Variants in GLDC observed in about 807,000 individuals in gnomAD.
The protein encoded by GLDC is glycine decarboxylase.
Under a neutral mutation model 121.3 loss-of-function variants are expected in GLDC, and 104 were observed. The observed-to-expected ratio is 0.86, with a 90% CI of 0.73 to 1.01. The LOEUF (loss-of-function observed/expected upper bound fraction) is 1.01. Ranked by LOEUF, GLDC falls within the 50% of genes least tolerant of loss-of-function variation. GLDC has a pLI of 0.00. For missense variants in GLDC, 1,429 were observed against 1,306.6 expected (o/e 1.09, Z -1.44); for synonymous variants, 546 against 480.6 (o/e 1.14, Z -1.78).
intron 15 of GLDC, among the ~76,000 whole-genome samples, chr9:6,572,712 G>A (rs760626330): frequency 2.0e-5 from 3 of 152,170 alleles, no homozygotes; most frequent in Non-Finnish European, 4.4e-5. Context: ...CTTCTCTGCT[G>A]CCAGCCTTTC....
rs1817178980 is a variant in GLDC, at chr9:6,538,278, AGTCCAAGGTAGG to A, written c.2665+1761_2665+1772del. On this transcript the variant is annotated intron_variant, in intron 22 of 24. Transcript: ENST00000321612. ...CCTGCATCTGGGCCCTGATTCAGGAAGTCCAAGGTAGGGTCCAAAAATCTATGAGTCATAAAA... is the reference window on the plus strand; with the variant it reads ...CCTGCATCTGGGCCCTGATTCAGGAAGTCCAAAAATCTATGAGTCATAAAA... Among the ~76,000 whole-genome samples, 15 of 152,304 alleles carry A rather than the reference AGTCCAAGGTAGG, an allele frequency of 9.8e-5. No homozygotes were observed. In the South Asian group the frequency reaches 3.1e-3, roughly 32 times the overall value.
intron 21 of GLDC, among the ~76,000 whole-genome samples, chr9:6,545,055 C>T (rs1361295022): frequency 2.0e-5 from 3 of 151,474 alleles, no homozygotes; most frequent in East Asian, 1.9e-4. Flanking sequence ...GCTGAGATTG[C>T]GCCATTGCAA....
At chr9:6,637,582 T>C (rs1264508955) in intron 2 of GLDC, among the ~76,000 whole-genome samples, 1 of 152,020 alleles carries the variant, frequency 6.6e-6, no homozygotes, top group Non-Finnish European at 1.5e-5. Flanking sequence ...TTCTCCTGCC[T>C]CAGACTCCTG....
chr9:6,593,236 T>C (rs1247455200), intron 9 of GLDC: 2 of 422,352 alleles, frequency 4.7e-6, no homozygotes, highest in East Asian at 4.7e-5. Context: ...TGGTGTATTA[T>C]TTCTCAAGAA....
intron 14 of GLDC, among the ~76,000 whole-genome samples, 180 bp from the exon 15 acceptor site, chr9:6,587,463 T>C (rs892286768): frequency 3.3e-5 from 5 of 152,206 alleles, no homozygotes; most frequent in Admixed American, 2.6e-4. Context: ...CGTTACTGTC[T>C]TCATTTAAAA....
At chr9:6,640,279 C>A (rs982259376) in intron 2 of GLDC, among the ~76,000 whole-genome samples, 1 of 152,174 alleles carries the variant, frequency 6.6e-6, no homozygotes, top group African/African-American at 2.4e-5. Flanking sequence ...TTCCTATAAG[C>A]TGGGAATTGA....
At chr9:6,610,098 A>C (rs1004730549) in intron 4 of GLDC, 94 bp downstream of exon 4, 57 of 969,000 alleles carry the variant, frequency 5.9e-5, no homozygotes, top group Non-Finnish European at 8.8e-5. Flanking sequence ...TAGAAAGCTG[A>C]CTAAAGTAAT....
intron 2 of GLDC, among the ~76,000 whole-genome samples, chr9:6,644,029 CAAA>C (rs531081758): frequency 4.9e-4 from 9 of 18,336 alleles, no homozygotes; most frequent in South Asian, 4.0e-3. Context: ...GATTCTGTCT[CAAA>C]AAAAAAAAAA....
intron 3 of GLDC, among the ~76,000 whole-genome samples, chr9:6,611,936 T>C (rs890518454): frequency 6.6e-6 from 1 of 152,292 alleles, no homozygotes; most frequent in East Asian, 1.9e-4. Context: ...TAGTGCCACA[T>C]CTGTCTTCAC....
chr9:6,634,501 C>G (rs1819458540), intron 2 of GLDC, among the ~76,000 whole-genome samples: 1 of 151,702 alleles, frequency 6.6e-6, no homozygotes. Context: ...CGCACTTGAG[C>G]CTAGGTGACA....
chr9:6,644,392 A>C (rs1819695902), intron 2 of GLDC: 2 of 602,898 alleles, frequency 3.3e-6, no homozygotes, highest in Admixed American at 2.9e-5. Flanking sequence ...ATAAAGACCA[A>C]GAACCGCACA....
intron 2 of GLDC, among the ~76,000 whole-genome samples, chr9:6,637,726 C>A (rs762782762): frequency 6.6e-6 from 1 of 152,110 alleles, no homozygotes. Flanking sequence ...CTCAGCCTCC[C>A]AAAGTGCTAG....
intron 2 of GLDC, among the ~76,000 whole-genome samples, chr9:6,640,198 T>C (rs1185182600): frequency 6.6e-6 from 1 of 152,244 alleles, no homozygotes; most frequent in Non-Finnish European, 1.5e-5. Flanking sequence ...GTTTCTCTCA[T>C]TTAGCTAATC....
In GLDC at chr9:6,559,632, T is replaced by C. The variant is rs531890962; in HGVS notation, c.1927-948A>G. Among the ~76,000 whole-genome samples, 225 of 150,092 alleles carry C rather than the reference T, an allele frequency of 1.5e-3. 2 individuals are homozygous for C. Among genetic ancestry groups the C allele is most frequent in the African/African-American group, 5.0e-3 (202 of 40,788 alleles). ...GAGTTCAAGACCAGCCTGGCCAACA[T>C]GGCGAAATGCTGTCTCTATTAAAAA... On this transcript the variant is annotated intron_variant, in intron 16 of 24. Coordinates refer to ENST00000321612, the MANE Select transcript of GLDC (RefSeq NM_000170.3).
rs147067204 is a variant in GLDC at position 6,605,307 on chromosome 9, G to A, written c.714-29C>T. 1.7e-4 allele frequency: 280 copies of A among 1,611,142 alleles called. 1 individual carries two copies. Among genetic ancestry groups the A allele is most frequent in the South Asian group, 5.5e-4 (50 of 90,920 alleles). On this transcript the variant is annotated intron_variant, in intron 5 of 24. Transcript: ENST00000321612. ...GAAAGACAGACAACAAAGAACAATC[G>A]TGCTTTCGGTTTATAAGGGAAAATT...
In GLDC at chr9:6,553,477, T is replaced by C. The variant is rs1208911328; in HGVS notation, c.2348A>G (p.His783Arg). ...KKHLAPFLPN[H>R]PVISLKRNED... ...ATTCCGCTTTAGTGAAATGACGGGATGATTGGGCAAAAACGGGGCGAGATG... is the reference window on the plus strand; with the variant it reads ...ATTCCGCTTTAGTGAAATGACGGGACGATTGGGCAAAAACGGGGCGAGATG... Residue 783 changes from histidine to arginine, a missense_variant, in exon 20 of 25, where the codon CAT becomes CGT. His to Arg is a conservative substitution (Grantham distance 29). Coordinates refer to ENST00000321612, the MANE Select transcript of GLDC (RefSeq NM_000170.3). The C allele has an allele frequency of 1.2e-6, 2 of 1,613,902 alleles. No homozygotes were observed. Among genetic ancestry groups the C allele is most frequent in the South Asian group, 2.2e-5 (2 of 91,060 alleles).
intron 2 of GLDC, among the ~76,000 whole-genome samples, chr9:6,620,869 C>G (rs1819077377): frequency 6.6e-6 from 1 of 152,160 alleles, no homozygotes; most frequent in Admixed American, 6.5e-5. Flanking sequence ...CAGTTGTAAT[C>G]AAAGACCCTC....
chr9:6,604,069 C>G (rs1818680958), intron 7 of GLDC, among the ~76,000 whole-genome samples: 1 of 151,766 alleles, frequency 6.6e-6, no homozygotes, highest in African/African-American at 2.4e-5. Context: ...GGAACAAAGA[C>G]TACTTCTGAA....
intron 4 of GLDC, among the ~76,000 whole-genome samples, chr9:6,608,861 G>A (rs1025376907): frequency 6.6e-6 from 1 of 152,346 alleles, no homozygotes; most frequent in African/African-American, 2.4e-5. Flanking sequence ...AATAACCAGA[G>A]AGGTGGGTGG....
Sources: gnomAD v4.1 joint callset for allele counts (sites outside exome capture counted in the v4.1 genomes callset) on GRCh38, gnomAD v4.1.1 for gene constraint, MANE v1.5 for transcripts, NCBI Gene and HGNC (gene_info 2026-07-23, HGNC 2026-07-21) for gene names.